The following MMRN1 variants were observed in gnomAD, a reference collection of about 807,000 sequenced individuals.
MMRN1 encodes multimerin-1.
MMRN1 carries 94 observed loss-of-function variants against 100.7 expected under a neutral mutation model. The observed-to-expected ratio is 0.93, with a 90% CI of 0.79 to 1.11. The LOEUF is 1.11. Ranked by LOEUF, MMRN1 falls within the 50% of genes least tolerant of loss-of-function variation. The probability of loss-of-function intolerance (pLI) is 0.00; values close to 1 mark genes in which losing one functional copy is unlikely to be tolerated. For missense variants in MMRN1, 1,606 were observed against 1,439.1 expected (o/e 1.12, Z -1.88); for synonymous variants, 575 against 505.0 (o/e 1.14, Z -1.86).
rs958864522 is a variant in MMRN1 at position 89,934,833 on chromosome 4, G to A, written c.1153G>A (p.Val385Ile). The part of the protein sequence containing the change: ...LKGLKSKSIN[V>I]LIRDIVREQF... ...AGGTCTAAAATCCAAAAGCATTAATGTACTGATAAGAGACATAGTAAGAGA... is the reference window on the plus strand; with the variant it reads ...AGGTCTAAAATCCAAAAGCATTAATATACTGATAAGAGACATAGTAAGAGA... Residue 385 changes from valine (V) to isoleucine (I), a missense_variant, in exon 6 of 8, where the codon GTA becomes ATA. Transcript: ENST00000264790. The A allele has an allele frequency of 3.9e-6, 6 of 1,530,798 alleles. No individual in the cohort carries two copies. Among genetic ancestry groups the A allele is most frequent in the Middle Eastern group, 1.8e-4 (1 of 5,712 alleles). The allele number at this position is 1,530,798 out of a possible 1,614,324, so 94.8% of individuals were successfully genotyped here. A position where few individuals can be genotyped will look rare whatever the true frequency, so the allele number is the denominator to read the frequency against.
At position 89,905,530 on chromosome 4, in the gene MMRN1, C is replaced by G. The variant is rs190588191; in HGVS notation, c.624-3746C>G. On this transcript the variant is annotated intron_variant, in intron 1 of 7. Transcript: ENST00000264790. ...GGACATTTGAGATCTTATACTTTCT[C>G]AAGTCAGAGACGCATGGGTGGGTAT... is the stretch of plus-strand genomic sequence containing the variant. 2.6e-5 allele frequency among the ~76,000 whole-genome samples: 4 copies of G among 151,600 alleles called. No individual in the cohort carries two copies. The East Asian group carries it at 7.8e-4, about 29-fold the overall frequency.
intron 7 of MMRN1, 94 bp from the exon 8 acceptor site, chr4:89,952,903 T>C: frequency 7.8e-7 from 1 of 1,278,204 alleles, no homozygotes; most frequent in Non-Finnish European, 1.1e-6. Context: ...CTGCTAAGAC[T>C]TTTTGTAACT....
chr4:89,923,083 G>A, intron 3 of MMRN1, 85 bp from the exon 4 acceptor site: 1 of 1,096,272 alleles, frequency 9.1e-7, no homozygotes, highest in South Asian at 1.4e-5. Context: ...GAAAATGAAT[G>A]TCAGCCAAAT....
At chr4:89,892,725 T>C (rs865817887), upstream of MMRN1, among the ~76,000 whole-genome samples, 7 of 152,004 alleles carry the variant, frequency 4.6e-5, no homozygotes, top group Admixed American at 2.0e-4. Context: ...CAATACCTTA[T>C]AAGTGGTTAA....
At chr4:89,915,634 C>T (rs1301587642) in intron 3 of MMRN1, among the ~76,000 whole-genome samples, 2 of 151,454 alleles carry the variant, frequency 1.3e-5, no homozygotes, top group Non-Finnish European at 3.0e-5. Flanking sequence ...AGCTGTTGCT[C>T]CTACTGTAGA....
upstream of MMRN1, among the ~76,000 whole-genome samples, chr4:89,890,165 T>C (rs1384214190): frequency 1.3e-5 from 2 of 151,832 alleles, no homozygotes; most frequent in Non-Finnish European, 2.9e-5. Flanking sequence ...TATAACCTCA[T>C]GAGGTGGAAG....
intron 1 of MMRN1, among the ~76,000 whole-genome samples, chr4:89,886,046 A>ATT (rs200498389): frequency 1.7e-4 from 23 of 135,520 alleles, no homozygotes; most frequent in East Asian, 4.3e-4. Flanking sequence ...TGCCTGGCTA[A>ATT]TTTTTTTTTT....
intron 6 of MMRN1, among the ~76,000 whole-genome samples, chr4:89,947,150 T>A (rs1466677366): frequency 6.6e-6 from 1 of 152,122 alleles, no homozygotes; most frequent in Non-Finnish European, 1.5e-5. Context: ...GGCATGGTGG[T>A]GCACACCTGT....
chr4:89,948,309 A>G (rs1723052542), intron 6 of MMRN1, among the ~76,000 whole-genome samples: 1 of 152,136 alleles, frequency 6.6e-6, no homozygotes, highest in South Asian at 2.1e-4. Flanking sequence ...GATAACTTGG[A>G]GGAACGCATG....
chr4:89,924,395 T>G (rs1722180037), intron 4 of MMRN1, among the ~76,000 whole-genome samples: 1 of 152,130 alleles, frequency 6.6e-6, no homozygotes, highest in African/African-American at 2.4e-5. Context: ...ATTTCTACAC[T>G]TAGTCTTAAC....
At chr4:89,883,385 C>T (rs1020632109) in intron 1 of MMRN1, among the ~76,000 whole-genome samples, 21 of 152,042 alleles carry the variant, frequency 1.4e-4, no homozygotes, top group Non-Finnish European at 7.4e-5. Flanking sequence ...TCACTCCACT[C>T]CCATCCAACA....
chr4:89,936,356 G>A lies in MMRN1; in HGVS notation c.2676G>A (p.Gln892=), dbSNP rs1192647906. 6.2e-7 allele frequency: 1 copy of A among 1,612,252 alleles called. No homozygotes were observed. Among genetic ancestry groups the A allele is most frequent in the Admixed American group, 1.7e-5 (1 of 59,716 alleles). The part of the protein sequence containing the change: ...KGSVVTNERD[Q]ALQLQVLNSR... ...GTGTAGTTACAAATGAGAGAGATCA[G>A]GCTCTTCAACTGCAAGTATTAAATT... The change falls in exon 6 of 8, where the codon CAG becomes CAA. Residue 892 remains glutamine, a synonymous_variant. Coordinates refer to ENST00000264790, the MANE Select transcript of MMRN1 (RefSeq NM_007351.3).
At chr4:89,911,922 C>A in intron 2 of MMRN1, 22 bp from the exon 3 acceptor site, 1 of 1,458,424 alleles carries the variant, frequency 6.9e-7, no homozygotes, top group Non-Finnish European at 9.5e-7. Flanking sequence ...ATCGATTTCC[C>A]TCCAATTGCT....
intron 3 of MMRN1, among the ~76,000 whole-genome samples, chr4:89,922,396 G>A (rs150880127): frequency 1.8e-3 from 279 of 152,184 alleles, no homozygotes; most frequent in Non-Finnish European, 3.1e-3. Flanking sequence ...GTGAGCCACC[G>A]CACCTGGCCT....
At chr4:89,941,990 C>A (rs1722844418) in intron 6 of MMRN1, among the ~76,000 whole-genome samples, 1 of 152,132 alleles carries the variant, frequency 6.6e-6, no homozygotes, top group Non-Finnish European at 1.5e-5. Flanking sequence ...CAAATGCTGA[C>A]AAAATTGACA....
intron 3 of MMRN1, among the ~76,000 whole-genome samples, chr4:89,913,581 G>T (rs1260751532): frequency 6.6e-6 from 1 of 151,238 alleles, no homozygotes; most frequent in African/African-American, 2.4e-5. Flanking sequence ...TTCAAATATA[G>T]ACTGTGTCCT....
In MMRN1 at chr4:89,934,802, T is replaced by G; in HGVS notation, c.1130-8T>G. The stretch of plus-strand genomic sequence containing the variant: ...AAACTATGTATTATTAATTATTTCT[T>G]TCTCTAGGTCTAAAATCCAAAAGCA... On this transcript the variant is annotated splice_polypyrimidine_tract_variant and splice_region_variant and intron_variant, in intron 5 of 7. Coordinates refer to ENST00000264790, the MANE Select transcript of MMRN1 (RefSeq NM_007351.3). 1 of 1,397,022 alleles carries G rather than the reference T, an allele frequency of 7.2e-7. No homozygotes were observed. The allele number at this position is 1,397,022 out of a possible 1,614,324, so 86.5% of individuals were successfully genotyped here. A position where few individuals can be genotyped will look rare whatever the true frequency, so the allele number is the denominator to read the frequency against.
At chr4:89,938,519 T>A (rs1346877462) in intron 6 of MMRN1, among the ~76,000 whole-genome samples, 1 of 143,238 alleles carries the variant, frequency 7.0e-6, no homozygotes, top group African/African-American at 2.6e-5. Context: ...ATATTTAAAA[T>A]ATATATATGC....
intron 1 of MMRN1, among the ~76,000 whole-genome samples, chr4:89,902,921 G>A (rs1721439362): frequency 6.6e-6 from 1 of 151,800 alleles, no homozygotes; most frequent in Non-Finnish European, 1.5e-5. Flanking sequence ...AAAGGATTAA[G>A]CATAGAAAGA....
Sources: allele counts gnomAD v4.1 joint callset (sites outside exome capture counted in the v4.1 genomes callset), GRCh38; gene constraint gnomAD v4.1.1; transcripts MANE v1.5; gene names NCBI Gene and HGNC (gene_info 2026-07-23, HGNC 2026-07-21).